The following TRAM2 variants were observed in gnomAD, a reference collection of about 807,000 sequenced individuals.
TRAM2 encodes translocation associated membrane protein 2.
Under a neutral mutation model 51.0 loss-of-function variants are expected in TRAM2, and 12 were observed. The observed-to-expected ratio is 0.24, with a 90% CI of 0.15 to 0.38. TRAM2 has a LOEUF of 0.38. Ranked by LOEUF, TRAM2 falls within the 10% of genes least tolerant of loss-of-function variation. The pLI, the probability that TRAM2 is intolerant of heterozygous loss-of-function variation, is 1.00. For synonymous variants in TRAM2, 175 were observed against 179.4 expected, an observed-to-expected ratio of 0.98 and a Z score of 0.20; for missense variants, 361 against 462.0, an observed-to-expected ratio of 0.78 and a Z score of 2.00.
chr6:52,522,482 G>C (rs2114075851), intron 2 of TRAM2, among the ~76,000 whole-genome samples: 1 of 152,352 alleles, frequency 6.6e-6, no homozygotes, highest in South Asian at 2.1e-4. Flanking sequence ...ACTGGCCAAA[G>C]AAAACACATC....
At chr6:52,567,365 T>C (rs555829959) in intron 1 of TRAM2, among the ~76,000 whole-genome samples, 10 of 152,232 alleles carry the variant, frequency 6.6e-5, no homozygotes, top group South Asian at 2.1e-4. Context: ...GTAGAGAGAG[T>C]TGTATCAACA....
chr6:52,556,320 G>A (rs1045822328), intron 1 of TRAM2, among the ~76,000 whole-genome samples: 5 of 148,792 alleles, frequency 3.4e-5, no homozygotes, highest in African/African-American at 9.9e-5. Context: ...TTGCTGTCTC[G>A]CCCAGACTGG....
At chr6:52,547,026 A>G (rs1030005341) in intron 1 of TRAM2, among the ~76,000 whole-genome samples, 8 of 152,172 alleles carry the variant, frequency 5.3e-5, no homozygotes, top group African/African-American at 1.7e-4. Context: ...AGCTGGAGGA[A>G]AGGAGGGGCA....
At chr6:52,523,677 A>G (rs1413414705) in intron 2 of TRAM2, 1 of 152,262 alleles carries the variant, frequency 6.6e-6, no homozygotes, top group Non-Finnish European at 1.5e-5. Context: ...AAACGCATCA[A>G]TCCTTCGATG....
At chr6:52,563,004 G>A (rs180757338) in intron 1 of TRAM2, among the ~76,000 whole-genome samples, 28 of 152,280 alleles carry the variant, frequency 1.8e-4, no homozygotes, top group Admixed American at 1.7e-3. Context: ...TGCAGTTAAC[G>A]CTTTGACCTT....
At chr6:52,519,196 C>T (rs780565141) in intron 2 of TRAM2, among the ~76,000 whole-genome samples, 3 of 152,210 alleles carry the variant, frequency 2.0e-5, no homozygotes, top group Non-Finnish European at 4.4e-5. Context: ...TGGGCACAGC[C>T]CCTGCCCTCT....
At chr6:52,549,471 C>T (rs1767271009) in intron 1 of TRAM2, among the ~76,000 whole-genome samples, 1 of 152,188 alleles carries the variant, frequency 6.6e-6, no homozygotes, top group Admixed American at 6.5e-5. Context: ...AAAGTCTCTT[C>T]AGCCACAAAA....
At chr6:52,524,998 C>G (rs1766750354) in intron 2 of TRAM2, 2 of 152,270 alleles carry the variant, frequency 1.3e-5, no homozygotes, top group African/African-American at 4.8e-5. Context: ...ACAGAAGAGT[C>G]ACTTGCTCTA....
rs1581867950 is a variant in TRAM2, at chr6:52,506,793, A to G, written c.627-657T>C. Reference sequence around the variant, plus strand: ...CCAGAGACAGGAGACAGAGTTTGAGAGCTCCTTCCCTGCCTCAGTCTTACT... The same window carrying G: ...CCAGAGACAGGAGACAGAGTTTGAGGGCTCCTTCCCTGCCTCAGTCTTACT... On this transcript the variant is annotated intron_variant, in intron 7 of 10. Transcript: ENST00000182527. Among the ~76,000 whole-genome samples, 3 of 152,220 alleles carry G rather than the reference A, an allele frequency of 2.0e-5. No individual in the cohort carries two copies. In the East Asian group the frequency reaches 5.8e-4, roughly 29 times the overall value.
chr6:52,541,864 G>A (rs984392199), intron 1 of TRAM2, among the ~76,000 whole-genome samples: 1 of 149,366 alleles, frequency 6.7e-6, no homozygotes, highest in African/African-American at 2.5e-5. Flanking sequence ...TGTGTGGGCA[G>A]ACCAGCCCCC....
At chr6:52,566,505 C>T (rs1767592957) in intron 1 of TRAM2, among the ~76,000 whole-genome samples, 1 of 152,110 alleles carries the variant, frequency 6.6e-6, no homozygotes, top group African/African-American at 2.4e-5. Context: ...CCCTAAACCA[C>T]TCTAGTAGTC....
At chr6:52,513,422 T>A (rs1334380580) in intron 4 of TRAM2, among the ~76,000 whole-genome samples, 2 of 152,180 alleles carry the variant, frequency 1.3e-5, no homozygotes, top group African/African-American at 4.8e-5. Flanking sequence ...GATACAGCAG[T>A]GAGCACCGTG....
chr6:52,507,497 A>C, intron 7 of TRAM2, 56 bp downstream of exon 7: 1 of 1,554,158 alleles, frequency 6.4e-7, no homozygotes. Flanking sequence ...GTGTGTGGAC[A>C]GATGCATGGA....
intron 2 of TRAM2, among the ~76,000 whole-genome samples, chr6:52,534,550 C>G (rs1164324751): frequency 6.6e-6 from 1 of 152,186 alleles, no homozygotes; most frequent in Non-Finnish European, 1.5e-5. Context: ...AGTTGCAGAC[C>G]TGTGCCCGAG....
intron 7 of TRAM2, 145 bp downstream of exon 7, chr6:52,507,408 T>C: frequency 1.3e-6 from 1 of 751,352 alleles, no homozygotes; most frequent in Non-Finnish European, 2.2e-6. Context: ...GAATCTTCCA[T>C]TACCATCTTT....
rs146168356 is a variant in TRAM2, at chr6:52,513,055, C to T, written c.411+2951G>A. ...CAGTGGAGTGTTTTTTTTCTTTTTC[C>T]CTCAACAATGAGTAGTCGATCAAAG... On this transcript the variant is annotated intron_variant, in intron 4 of 10. Transcript: ENST00000182527. Among the ~76,000 whole-genome samples the T allele has an allele frequency of 3.7e-4, 57 of 152,082 alleles. 1 individual carries two copies. Among genetic ancestry groups the T allele is most frequent in the Non-Finnish European group, 1.0e-4 (7 of 67,954 alleles).
chr6:52,523,234 T>C (rs1398079311), intron 2 of TRAM2: 2 of 256,424 alleles, frequency 7.8e-6, no homozygotes, highest in Non-Finnish European at 1.5e-5. Context: ...CAGAATTAGA[T>C]ATGGAAACAC....
Position 52,569,315 on chromosome 6 carries a change from G to T in TRAM2, c.120+7481C>A, listed in dbSNP as rs141731756. The stretch of plus-strand genomic sequence containing the variant: ...TGAAGTGGGAGAATCGCTTGAACCC[G>T]GGAAGTGGAGGTTGCAGCAAGCCAA... On this transcript the variant is annotated intron_variant, in intron 1 of 10. Transcript: ENST00000182527. Among the ~76,000 whole-genome samples, 1,360 of 151,346 alleles carry T rather than the reference G, an allele frequency of 9.0e-3. 26 individuals carry two copies. Among genetic ancestry groups the T allele is most frequent in the African/African-American group, 0.031 (1,277 of 41,194 alleles).
chr6:52,504,971 C>T (rs903939729), intron 9 of TRAM2, among the ~76,000 whole-genome samples: 9 of 152,228 alleles, frequency 5.9e-5, no homozygotes, highest in Non-Finnish European at 8.8e-5. Flanking sequence ...GCCAGGGAGA[C>T]GGGAAGGAAG....
Sources: allele counts gnomAD v4.1 joint callset (sites outside exome capture counted in the v4.1 genomes callset), GRCh38; gene constraint gnomAD v4.1.1; transcripts MANE v1.5; gene names NCBI Gene and HGNC (gene_info 2026-07-23, HGNC 2026-07-21).